The following SOX5 variants were observed in gnomAD, a reference collection of about 807,000 sequenced individuals.
SOX5 encodes the protein SRY-box transcription factor 5, also known as transcription factor SOX-5.
In SOX5, 9 loss-of-function variants were observed where a neutral mutation model predicts 92.0. That is an observed-to-expected ratio of 0.10 (90% CI 0.06 to 0.17). SOX5 has a LOEUF of 0.17. SOX5 is among the 10% of genes least tolerant of loss of function. The pLI is 1.00. For missense variants in SOX5, 642 were observed against 944.5 expected, an observed-to-expected ratio of 0.68 and a Z score of 4.20; for synonymous variants, 344 against 336.3, an observed-to-expected ratio of 1.02 and a Z score of -0.25.
intron 3 of SOX5, among the ~76,000 whole-genome samples, chr12:23,787,030 CT>C (rs1295740331): frequency 6.9e-6 from 1 of 145,036 alleles, no homozygotes; most frequent in Non-Finnish European, 1.5e-5. Flanking sequence ...AGATTATTTT[CT>C]TCCATAAGCA....
intron 6 of SOX5, among the ~76,000 whole-genome samples, chr12:23,704,077 T>C (rs1723512228): frequency 6.6e-6 from 1 of 151,846 alleles, no homozygotes; most frequent in Non-Finnish European, 1.5e-5. Context: ...CTACATGGTT[T>C]TTTCCATAAC....
chr12:24,163,439 C>T (rs1953003315), intron 4 of SOX5, among the ~76,000 whole-genome samples: 2 of 151,754 alleles, frequency 1.3e-5, no homozygotes, highest in Non-Finnish European at 2.9e-5. Context: ...AAAGATCAAA[C>T]TTCAGCAAAG....
At chr12:24,136,604 G>A (rs79373135) in intron 4 of SOX5, among the ~76,000 whole-genome samples, 1 of 152,126 alleles carries the variant, frequency 6.6e-6, no homozygotes, top group African/African-American at 2.4e-5. Context: ...TGTTTAAGGG[G>A]GCTTCAGAAC....
intron 3 of SOX5, among the ~76,000 whole-genome samples, chr12:24,222,416 G>A (rs1284577885): frequency 6.6e-6 from 1 of 152,070 alleles, no homozygotes; most frequent in African/African-American, 2.4e-5. Flanking sequence ...CCAGTGGACT[G>A]GACAGGGGTA....
intron 2 of SOX5, among the ~76,000 whole-genome samples, chr12:24,283,330 A>G (rs1945442094): frequency 6.6e-6 from 1 of 152,224 alleles, no homozygotes; most frequent in South Asian, 2.1e-4. Context: ...GAATCCTGAT[A>G]TTGATCCTAA....
intron 14 of SOX5, among the ~76,000 whole-genome samples, chr12:23,535,922 C>T (rs1181843668): frequency 6.6e-6 from 1 of 152,142 alleles, no homozygotes; most frequent in Admixed American, 6.6e-5. Flanking sequence ...CTCGGAGCTG[C>T]GTTCTCAATT....
intron 4 of SOX5, among the ~76,000 whole-genome samples, chr12:24,052,824 C>T (rs1957692263): frequency 6.6e-6 from 1 of 152,070 alleles, no homozygotes; most frequent in Non-Finnish European, 1.5e-5. Flanking sequence ...CCCTGAAATC[C>T]CATTCTTTCA....
chr12:23,956,415 C>A (rs912204162), intron 4 of SOX5, among the ~76,000 whole-genome samples: 2 of 152,110 alleles, frequency 1.3e-5, no homozygotes, highest in African/African-American at 4.8e-5. Context: ...AGATCAGAGG[C>A]AGCATTAGAT....
At chr12:23,603,675 C>T (rs1460582344) in intron 9 of SOX5, among the ~76,000 whole-genome samples, 1 of 151,684 alleles carries the variant, frequency 6.6e-6, no homozygotes, top group African/African-American at 2.4e-5. Context: ...TTTTTCTCTC[C>T]TTCTAGGCCA....
intron 3 of SOX5, among the ~76,000 whole-genome samples, chr12:23,811,046 T>TG (rs2095867337): frequency 6.6e-6 from 1 of 152,118 alleles, no homozygotes; most frequent in African/African-American, 2.4e-5. Context: ...TTAATCTGAG[T>TG]GGGGGTGAGT....
At chr12:24,068,618 T>A (rs1190557462) in intron 4 of SOX5, among the ~76,000 whole-genome samples, 1 of 150,186 alleles carries the variant, frequency 6.7e-6, no homozygotes, top group South Asian at 2.1e-4. Flanking sequence ...ATAGCTGATG[T>A]ACTCATCTCC....
At chr12:23,712,483 C>T (rs1172275378) in intron 6 of SOX5, among the ~76,000 whole-genome samples, 1 of 152,086 alleles carries the variant, frequency 6.6e-6, no homozygotes, top group Non-Finnish European at 1.5e-5. Context: ...CAGGACAAAC[C>T]CAGCAGCCAG....
At chr12:23,877,651 C>A (rs1294247771) in intron 2 of SOX5, among the ~76,000 whole-genome samples, 3 of 152,086 alleles carry the variant, frequency 2.0e-5, no homozygotes, top group Non-Finnish European at 4.4e-5. Flanking sequence ...ACTGACTTCT[C>A]AAAACCTTCA....
chr12:24,092,520 C>T (rs1366507761), intron 4 of SOX5, among the ~76,000 whole-genome samples: 2 of 152,128 alleles, frequency 1.3e-5, no homozygotes, highest in Admixed American at 6.5e-5. Context: ...AATATAGATG[C>T]TCACACCCAA....
At chr12:24,491,020 GA>G (rs1429207406) in intron 1 of SOX5, among the ~76,000 whole-genome samples, 1 of 151,624 alleles carries the variant, frequency 6.6e-6, no homozygotes, top group Non-Finnish European at 1.5e-5. Context: ...AAGCAAGATA[GA>G]CAAACCAACC....
At chr12:23,850,618 A>G (rs540274910) in intron 2 of SOX5, among the ~76,000 whole-genome samples, 1 of 152,164 alleles carries the variant, frequency 6.6e-6, no homozygotes, top group East Asian at 1.9e-4. Flanking sequence ...CACTACTTGT[A>G]ATCTCTTCTG....
rs1951508704 is a variant in SOX5, at chr12:24,534,945, A to C, written c.-251+27384T>G. Among the ~76,000 whole-genome samples, 4 of 152,250 alleles carry C rather than the reference A, an allele frequency of 2.6e-5. No individual in the cohort carries two copies. The South Asian group carries it at 8.3e-4, about 32-fold the overall frequency. ...GAAAACATGCAAGAGCAAAATGTCGAAGTGAGAACTGGAGTTAAAATTCTG... is the reference window on the plus strand; with the variant it reads ...GAAAACATGCAAGAGCAAAATGTCGCAGTGAGAACTGGAGTTAAAATTCTG... On this transcript the variant is annotated intron_variant, in intron 1 of 4. Coordinates refer to the SOX5 transcript ENST00000446891.
intron 3 of SOX5, among the ~76,000 whole-genome samples, chr12:24,264,754 C>T (rs1421351120): frequency 6.6e-6 from 1 of 152,090 alleles, no homozygotes; most frequent in Non-Finnish European, 1.5e-5. Flanking sequence ...GAGATAACTG[C>T]TTCATTAATA....
chr12:24,288,686 G>T (rs1946214378), intron 2 of SOX5, among the ~76,000 whole-genome samples: 3 of 152,090 alleles, frequency 2.0e-5, no homozygotes, highest in Admixed American at 2.0e-4. Flanking sequence ...TGTGAATAAA[G>T]GAGTAACCTT....
Sources: allele counts gnomAD v4.1 joint callset (sites outside exome capture counted in the v4.1 genomes callset), GRCh38; gene constraint gnomAD v4.1.1; transcripts MANE v1.5; gene names NCBI Gene and HGNC (gene_info 2026-07-23, HGNC 2026-07-21).